CNGB1: variants seen among roughly 807,000 people sequenced by gnomAD.
The protein encoded by CNGB1 is cyclic nucleotide gated channel subunit beta 1.
CNGB1 carries 126 observed loss-of-function variants against 151.7 expected under a neutral mutation model. That is an observed-to-expected ratio of 0.83 (90% confidence interval 0.72 to 0.96). CNGB1 has a LOEUF of 0.96. CNGB1 is among the 40% of genes least tolerant of loss of function. The pLI, the probability that CNGB1 is intolerant of heterozygous loss-of-function variation, is 0.00. For synonymous variants in CNGB1, 623 were observed against 635.1 expected, an observed-to-expected ratio of 0.98 and a Z score of 0.29; for missense variants, 1,698 against 1,627.0, an observed-to-expected ratio of 1.04 and a Z score of -0.75.
chr16:57,908,924 T>C (rs368126008), intron 25 of CNGB1, among the ~76,000 whole-genome samples: 18 of 152,326 alleles, frequency 1.2e-4, no homozygotes, highest in Admixed American at 8.5e-4. Flanking sequence ...CTCCCTCTGC[T>C]CACTCTCCTG....
intron 17 of CNGB1, among the ~76,000 whole-genome samples, chr16:57,923,991 C>T (rs375432084): frequency 6.2e-4 from 95 of 152,222 alleles, no homozygotes; most frequent in African/African-American, 2.1e-3. Context: ...TCAGGAAGTC[C>T]AAGTCTGCCA....
chr16:57,952,830 C>A (rs1346360961), intron 12 of CNGB1, among the ~76,000 whole-genome samples: 6 of 152,234 alleles, frequency 3.9e-5, no homozygotes, highest in African/African-American at 1.4e-4. Flanking sequence ...CCGCAGCAGG[C>A]CTGCAAGATG....
chr16:57,949,244 C>A, intron 14 of CNGB1, 109 bp downstream of exon 14: 1 of 1,587,384 alleles, frequency 6.3e-7, no homozygotes, highest in Non-Finnish European at 8.5e-7. Context: ...TTACACAGCA[C>A]AGAACAACAG....
At chr16:57,957,231 G>C (rs1302572101) in intron 12 of CNGB1, 110 bp downstream of exon 12, 1 of 1,020,892 alleles carries the variant, frequency 9.8e-7, no homozygotes, top group Non-Finnish European at 1.6e-6. Context: ...CCCCCTGTGT[G>C]AGTCCAGGTC....
Position 57,960,896 on chromosome 16 carries a change from G to A in CNGB1, c.478C>T (p.Leu160=). ...CTTTCCAGATTCTGCTCCAGCCACA[G>A]AAGCAGCCGCAGCCCAGGCCTGCAG... is the stretch of plus-strand genomic sequence containing the variant. The part of the protein sequence containing the change: ...QDTRPGLRLL[L]WLEQNLERVL... Residue 160 remains leucine (L), a synonymous_variant, in exon 8 of 33, where the codon CTG becomes TTG. Coordinates refer to ENST00000251102, the MANE Select transcript of CNGB1 (RefSeq NM_001297.5). 1.2e-6 allele frequency: 2 copies of A among 1,614,172 alleles called. No homozygotes were observed. The highest frequency in any genetic ancestry group is 1.7e-6 in the Non-Finnish European group (2 of 1,180,018).
At chr16:57,897,982 G>T in intron 29 of CNGB1, 68 bp from the exon 30 acceptor site, 1 of 1,540,582 alleles carries the variant, frequency 6.5e-7, no homozygotes, top group Non-Finnish European at 9.0e-7. Flanking sequence ...GCCAGGGCTG[G>T]ATCCAGAGGC....
chr16:57,969,109 C>T (rs902020942), intron 1 of CNGB1, among the ~76,000 whole-genome samples: 3 of 152,134 alleles, frequency 2.0e-5, no homozygotes, highest in Admixed American at 6.5e-5. Context: ...AGTTCGAGAT[C>T]AGCCTAGCCA....
In CNGB1 at chr16:57,897,543, GCTGGGGCAGAGAAGGGAGGAAGGAGGCC is replaced by G. The variant is rs1394912438; in HGVS notation, c.3096-28_3096-1del. ...GGTTCCCGCCCCCAACAGCCAGCAA[GCTGGGGCAGAGAAGGGAGGAAGGAGGCC>G]CTTCAGAGACTGCCGTTTCGGTCAC... is the stretch of plus-strand genomic sequence containing the variant. On this transcript the variant is annotated splice_acceptor_variant and splice_polypyrimidine_tract_variant and intron_variant, in intron 30 of 32. Coordinates refer to ENST00000251102, the MANE Select transcript of CNGB1 (RefSeq NM_001297.5). LOFTEE classifies it high-confidence loss of function. 6.2e-7 allele frequency: 1 copy of G among 1,613,904 alleles called. No individual in the cohort carries two copies. The highest frequency in any genetic ancestry group is 1.3e-5 in the African/African-American group (1 of 74,890).
At chr16:57,962,932 C>T (rs1298266007) in intron 5 of CNGB1, 42 bp downstream of exon 5, 1 of 1,612,318 alleles carries the variant, frequency 6.2e-7, no homozygotes, top group East Asian at 2.2e-5. Context: ...CCCCACAGCC[C>T]CTCTCCAACC....
At chr16:57,896,857 C>T (rs1960244203) in intron 31 of CNGB1, among the ~76,000 whole-genome samples, 1 of 152,072 alleles carries the variant, frequency 6.6e-6, no homozygotes. Context: ...TAAGAATACT[C>T]TGCACCTTAA....
intron 25 of CNGB1, among the ~76,000 whole-genome samples, chr16:57,908,089 C>T (rs542075504): frequency 3.9e-5 from 6 of 152,314 alleles, no homozygotes; most frequent in African/African-American, 1.4e-4. Context: ...GGGGGTCTCC[C>T]CATATTGCCT....
intron 16 of CNGB1, among the ~76,000 whole-genome samples, chr16:57,933,974 T>C (rs1961434136): frequency 6.6e-6 from 1 of 152,112 alleles, no homozygotes; most frequent in East Asian, 1.9e-4. Flanking sequence ...CTGCCGGCCT[T>C]GGCCTCCCAA....
At chr16:57,889,987 C>T (rs556279111) in intron 31 of CNGB1, among the ~76,000 whole-genome samples, 1 of 152,260 alleles carries the variant, frequency 6.6e-6, no homozygotes, top group East Asian at 1.9e-4. Context: ...GCAGAATTGC[C>T]ACCCACATCT....
chr16:57,956,022 G>A (rs1334465761), intron 12 of CNGB1, among the ~76,000 whole-genome samples: 1 of 152,104 alleles, frequency 6.6e-6, no homozygotes, highest in Non-Finnish European at 1.5e-5. Context: ...CTGCCCCCAT[G>A]GCCACCCAGC....
At chr16:57,960,749 G>A in intron 8 of CNGB1, 91 bp downstream of exon 8, 9 of 1,410,336 alleles carry the variant, frequency 6.4e-6, no homozygotes, top group Middle Eastern at 3.5e-4. Context: ...TGGGGTGGGT[G>A]GGGACAGCCT....
chr16:57,931,598 C>G (rs1338821899), intron 17 of CNGB1, 118 bp downstream of exon 17: 1 of 1,196,254 alleles, frequency 8.4e-7, no homozygotes, highest in African/African-American at 1.5e-5. Flanking sequence ...ACTTCTGACA[C>G]CAACTCGCTG....
rs529755785 is a variant in CNGB1, at chr16:57,955,042, C to T, written c.874+2299G>A. The T allele has an allele frequency of 8.9e-5, 112 of 1,256,686 alleles. 1 individual carries two copies. The African/African-American group carries it at 1.1e-3, about 12-fold the overall frequency. 77.8% of individuals were successfully genotyped at this position (1,256,686 alleles called of 1,614,324 possible). On this transcript the variant is annotated intron_variant, in intron 12 of 32. Coordinates refer to ENST00000251102, the MANE Select transcript of CNGB1 (RefSeq NM_001297.5). ...GGGATTACAGGCGTGAGCCACCACGCCCGGCTATGGGCCTTTTCCACAGCC... is the reference window on the plus strand; with the variant it reads ...GGGATTACAGGCGTGAGCCACCACGTCCGGCTATGGGCCTTTTCCACAGCC...
intron 1 of CNGB1, among the ~76,000 whole-genome samples, chr16:57,968,622 G>T (rs1962457851): frequency 6.6e-6 from 1 of 152,086 alleles, no homozygotes; most frequent in African/African-American, 2.4e-5. Context: ...TGTGTAATAT[G>T]CATGTACTAC....
intron 23 of CNGB1, among the ~76,000 whole-genome samples, chr16:57,914,965 C>G (rs1960823341): frequency 6.6e-6 from 1 of 152,152 alleles, no homozygotes; most frequent in Non-Finnish European, 1.5e-5. Flanking sequence ...TCCACTCCCT[C>G]CTGGCTGTGT....
Sources: gnomAD v4.1 joint callset for allele counts (sites outside exome capture counted in the v4.1 genomes callset) on GRCh38, gnomAD v4.1.1 for gene constraint, MANE v1.5 for transcripts, NCBI Gene and HGNC (gene_info 2026-07-23, HGNC 2026-07-21) for gene names.